Variants in KIF20B observed in about 807,000 individuals in gnomAD.
KIF20B encodes kinesin family member 20B, also known as kinesin-like protein KIF20B.
KIF20B carries 188 observed loss-of-function variants against 232.5 expected under a neutral mutation model. The ratio of observed to expected loss-of-function variants is 0.81; its 90% CI spans 0.72 to 0.91. The LOEUF is 0.91. KIF20B is among the 40% of genes least tolerant of loss of function. KIF20B has a pLI of 0.00. For missense variants in KIF20B, 2,154 were observed against 2,055.9 expected (o/e 1.05, Z -0.92); for synonymous variants, 712 against 683.0 (o/e 1.04, Z -0.66).
Position 89,726,510 on chromosome 10 carries a change from A to C in KIF20B, c.2219A>C (p.Lys740Thr). 1 of 1,589,678 alleles carries C rather than the reference A, an allele frequency of 6.3e-7. No homozygotes were observed. The highest frequency in any genetic ancestry group is 1.1e-5 in the South Asian group (1 of 87,062). Residue 740 changes from lysine to threonine, a missense_variant, in exon 16 of 33, where the codon AAG (lysine) becomes ACG (threonine). Transcript: ENST00000371728. ...ELIKTKEELK[K>T]RENESDSLIQ... ...ATCAAAACCAAAGAAGAGTTAAAAA[A>C]GAGAGAAAATGGTAAGTGGATACAT...
chr10:89,764,253 T>C (rs1842306462), intron 29 of KIF20B, among the ~76,000 whole-genome samples: 1 of 152,098 alleles, frequency 6.6e-6, no homozygotes, highest in Admixed American at 6.5e-5. Context: ...TGCATGGTAT[T>C]CCATGGTGTA....
At chr10:89,724,939 T>A in intron 14 of KIF20B, 81 bp from the exon 15 acceptor site, 1 of 1,357,184 alleles carries the variant, frequency 7.4e-7, no homozygotes, top group Middle Eastern at 1.8e-4. Flanking sequence ...ATCTAGAATA[T>A]ACTTAAACTT....
intron 13 of KIF20B, among the ~76,000 whole-genome samples, chr10:89,722,894 T>C (rs926360105): frequency 3.9e-5 from 6 of 152,182 alleles, no homozygotes; most frequent in African/African-American, 7.2e-5. Context: ...TATTACTGTT[T>C]TGTAACCTGG....
rs144615640 is a variant in KIF20B, at chr10:89,741,209, G to A, written c.3915+2113G>A. ...ACAACCTAGGTTCATTGCATGCAGA[G>A]TTCACAATAGGGTTTGCACTCCTAT... On this transcript the variant is annotated intron_variant, in intron 21 of 32. Coordinates refer to ENST00000371728, the MANE Select transcript of KIF20B (RefSeq NM_001284259.2). Among the ~76,000 whole-genome samples, 274 of 152,308 alleles carry A rather than the reference G, an allele frequency of 1.8e-3. 1 individual carries two copies. Among genetic ancestry groups the A allele is most frequent in the Admixed American group, 0.015 (222 of 15,302 alleles).
intron 23 of KIF20B, 90 bp downstream of exon 23, chr10:89,746,049 TG>T (rs1841903428): frequency 1.1e-6 from 1 of 920,482 alleles, no homozygotes; most frequent in Non-Finnish European, 1.8e-6. Context: ...GCTTCATTGG[TG>T]CCCTGCAGCT....
At chr10:89,724,339 C>T (rs781524334) in intron 14 of KIF20B, among the ~76,000 whole-genome samples, 1 of 151,960 alleles carries the variant, frequency 6.6e-6, no homozygotes, top group Admixed American at 6.6e-5. Flanking sequence ...TCAGCCTGGC[C>T]AACATGGTGA....
At chr10:89,741,935 T>C (rs1841803402) in intron 21 of KIF20B, among the ~76,000 whole-genome samples, 3 of 152,174 alleles carry the variant, frequency 2.0e-5, no homozygotes, top group South Asian at 4.1e-4. Flanking sequence ...TAACTTTTAT[T>C]TTACTTAATA....
At chr10:89,710,792 A>G (rs2133085510) in intron 5 of KIF20B, among the ~76,000 whole-genome samples, 169 bp from the exon 6 acceptor site, 1 of 152,362 alleles carries the variant, frequency 6.6e-6, no homozygotes, top group South Asian at 2.1e-4. Context: ...AAATGTTGGT[A>G]ATACTGTGAA....
intron 21 of KIF20B, 115 bp from the exon 22 acceptor site, chr10:89,743,693 C>T: frequency 1.7e-6 from 1 of 604,158 alleles, no homozygotes; most frequent in African/African-American, 2.0e-5. Flanking sequence ...TGTCATTTTT[C>T]TTTTAGGCTG....
At chr10:89,713,041 G>C (rs1054284652) in intron 6 of KIF20B, among the ~76,000 whole-genome samples, 1 of 152,042 alleles carries the variant, frequency 6.6e-6, no homozygotes, top group Non-Finnish European at 1.5e-5. Context: ...CCAATTCATA[G>C]AGGAAATTAA....
At chr10:89,763,381 A>G (rs901091584) in intron 29 of KIF20B, among the ~76,000 whole-genome samples, 2 of 152,202 alleles carry the variant, frequency 1.3e-5, no homozygotes, top group African/African-American at 4.8e-5. Context: ...TAATACATCA[A>G]ATGATGGTGG....
chr10:89,740,758 T>G (rs958525023), intron 21 of KIF20B, among the ~76,000 whole-genome samples: 2 of 152,208 alleles, frequency 1.3e-5, no homozygotes, highest in African/African-American at 4.8e-5. Context: ...ACTCCTGGGC[T>G]CAAGTGATCC....
chr10:89,705,522 T>TAACCTGTTTTTGTAC lies in KIF20B; in HGVS notation c.147+81_147+82insAACCTGTTTTTGTAC. ...TGGCAAACAATGGCCTGTTTTTGTA[T>TAACCTGTTTTTGTAC]TACCTGTTTTTGTACTTAGATACAA... On this transcript the variant is annotated intron_variant, in intron 2 of 32. Coordinates refer to ENST00000371728, the MANE Select transcript of KIF20B (RefSeq NM_001284259.2). 2.4e-6 allele frequency: 3 copies of TAACCTGTTTTTGTAC among 1,265,432 alleles called. 1 individual carries two copies. The South Asian group carries it at 4.5e-5, about 19-fold the overall frequency. 78.4% of individuals were successfully genotyped at this position (1,265,432 alleles called of 1,614,324 possible).
chr10:89,725,021 G>A lies in KIF20B; in HGVS notation c.1864G>A (p.Glu622Lys). 6.2e-7 allele frequency: 1 copy of A among 1,612,516 alleles called. No homozygotes were observed. The highest frequency in any genetic ancestry group is 8.5e-7 in the Non-Finnish European group (1 of 1,179,166). The change falls in exon 15 of 33, where the codon GAG becomes AAG. Residue 622 changes from glutamate (E) to lysine (K), a missense_variant and splice_region_variant. Transcript: ENST00000371728. ...YWAQREADFK[E>K]TLLQEREILE... ...ATGGGATTAATTTGTATTTTGAAGGGAGACTCTGCTTCAAGAACGAGAGAT... is the reference window on the plus strand; with the variant it reads ...ATGGGATTAATTTGTATTTTGAAGGAAGACTCTGCTTCAAGAACGAGAGAT...
chr10:89,726,284 T>C lies in KIF20B; in HGVS notation c.2002-9T>C. ...TTAATATTAGGCATGTGGTTTTTGCTATTTTTAGGAAACACATAATTATGT... is the reference window on the plus strand; with the variant it reads ...TTAATATTAGGCATGTGGTTTTTGCCATTTTTAGGAAACACATAATTATGT... On this transcript the variant is annotated splice_polypyrimidine_tract_variant and intron_variant, in intron 15 of 32. Transcript: ENST00000371728. 1 of 1,541,744 alleles carries C rather than the reference T, an allele frequency of 6.5e-7. No individual in the cohort carries two copies. Among genetic ancestry groups the C allele is most frequent in the Non-Finnish European group, 8.8e-7 (1 of 1,142,338 alleles).
In KIF20B at chr10:89,760,583, C is replaced by T. The variant is rs1400076532; in HGVS notation, c.4738C>T (p.Leu1580Phe). 2.5e-5 allele frequency: 40 copies of T among 1,613,036 alleles called. No individual in the cohort carries two copies. The highest frequency in any genetic ancestry group is 3.4e-5 in the Non-Finnish European group (40 of 1,179,336). Residue 1580 changes from leucine to phenylalanine, a missense_variant, in exon 28 of 33, where the codon CTT becomes TTT. Transcript: ENST00000371728. ...KRISSADPDK[L>F]QTEPLSTSFE... ...TATTAGTTCAGCAGATCCTGACAAA[C>T]TTCAAACTGAACCTCTATCGACAAG...
intron 26 of KIF20B, among the ~76,000 whole-genome samples, chr10:89,757,595 A>G (rs1398297495): frequency 6.6e-6 from 1 of 151,934 alleles, no homozygotes; most frequent in South Asian, 2.1e-4. Context: ...GGTGTGTTAT[A>G]TTATTTCCTG....
Position 89,737,704 on chromosome 10 carries a change from C to A in KIF20B, c.2863C>A (p.Gln955Lys). The A allele has an allele frequency of 1.2e-6, 2 of 1,612,856 alleles. No individual in the cohort carries two copies. The highest frequency in any genetic ancestry group is 1.7e-6 in the Non-Finnish European group (2 of 1,179,452). Reference sequence around the variant, plus strand: ...ATTACATGTGCAGAAAAGTAAAAATCAAGAACAGGAGGAAAAGATCATGAA... The same window carrying A: ...ATTACATGTGCAGAAAAGTAAAAATAAAGAACAGGAGGAAAAGATCATGAA... Reference protein sequence around the residue: ...AELHVQKSKNQEQEEKIMKLS... With the variant: ...AELHVQKSKNKEQEEKIMKLS... Residue 955 changes from glutamine to lysine, a missense_variant, in exon 20 of 33, where the codon CAA becomes AAA. Physicochemically the swap from Gln to Lys is moderately conservative, Grantham distance 53 (BLOSUM62 1). Transcript: ENST00000371728.
At chr10:89,770,844 T>A (rs1842447927) in intron 31 of KIF20B, among the ~76,000 whole-genome samples, 1 of 152,066 alleles carries the variant, frequency 6.6e-6, no homozygotes, top group Admixed American at 6.6e-5. Flanking sequence ...CATTCATACA[T>A]GACAGAATGT....
Sources: allele counts gnomAD v4.1 joint callset (sites outside exome capture counted in the v4.1 genomes callset), GRCh38; gene constraint gnomAD v4.1.1; transcripts MANE v1.5; gene names NCBI Gene and HGNC (gene_info 2026-07-23, HGNC 2026-07-21).